The following SHISA9 variants were observed in gnomAD, a reference collection of about 807,000 sequenced individuals.
The protein encoded by SHISA9 is shisa family member 9, also known as protein shisa-9.
In SHISA9, 13 loss-of-function variants were observed where a neutral mutation model predicts 38.0. That is an observed-to-expected ratio of 0.34 (90% CI 0.22 to 0.54). The LOEUF (loss-of-function observed/expected upper bound fraction) is 0.54. Ranked by LOEUF, SHISA9 falls within the 20% of genes least tolerant of loss-of-function variation. The pLI, the probability that SHISA9 is intolerant of heterozygous loss-of-function variation, is 0.91. For missense variants in SHISA9, 538 were observed against 575.8 expected, an observed-to-expected ratio of 0.93 and a Z score of 0.67; for synonymous variants, 275 against 242.0, an observed-to-expected ratio of 1.14 and a Z score of -1.27.
chr16:13,542,651 T>G, the SHISA9 span, among the ~76,000 whole-genome samples: 1 of 152,184 alleles, frequency 6.6e-6, no homozygotes, highest in African/African-American at 2.4e-5. Context: ...TCACCCCTAT[T>G]TCCCAGGGAC....
intron 2 of SHISA9, among the ~76,000 whole-genome samples, chr16:13,046,725 C>G (rs1002442125): frequency 1.6e-4 from 24 of 152,182 alleles, no homozygotes; most frequent in African/African-American, 5.3e-4. Flanking sequence ...TCTCGCTTCT[C>G]TCCTCTCCAA....
chr16:12,940,091 C>G (rs901995113), intron 2 of SHISA9, among the ~76,000 whole-genome samples: 2 of 152,192 alleles, frequency 1.3e-5, no homozygotes, highest in Admixed American at 1.3e-4. Flanking sequence ...ACTTTTAACC[C>G]TGCTGGGGAG....
the SHISA9 span, among the ~76,000 whole-genome samples, chr16:13,286,258 A>T: frequency 6.6e-6 from 1 of 152,154 alleles, no homozygotes; most frequent in South Asian, 2.1e-4. Flanking sequence ...CTGAGCACAT[A>T]TAGGCAGGAC....
chr16:13,286,007 A>G, the SHISA9 span, among the ~76,000 whole-genome samples: 1 of 152,172 alleles, frequency 6.6e-6, no homozygotes, highest in Non-Finnish European at 1.5e-5. Context: ...GGAACTGCTT[A>G]GGGTATTCTA....
chr16:13,479,144 G>A, the SHISA9 span, among the ~76,000 whole-genome samples: 2 of 152,078 alleles, frequency 1.3e-5, no homozygotes, highest in African/African-American at 2.4e-5. Flanking sequence ...GGTCCTGCAC[G>A]GCGCCTATCA....
chr16:12,934,994 GCTGATATGAATTA>G (rs1185707335), intron 2 of SHISA9, among the ~76,000 whole-genome samples: 1 of 82,306 alleles, frequency 1.2e-5, no homozygotes, highest in African/African-American at 3.9e-5. Flanking sequence ...GAGCTCTCCT[GCTGATATGAATTA>G]TTCCAACAAT....
At chr16:13,167,728 C>T (rs913735152) in intron 2 of SHISA9, among the ~76,000 whole-genome samples, 1 of 152,176 alleles carries the variant, frequency 6.6e-6, no homozygotes. Context: ...GCTTTCCCTT[C>T]GCCTTCCGCC....
At chr16:13,268,957 A>G in the SHISA9 span, among the ~76,000 whole-genome samples, 1 of 152,176 alleles carries the variant, frequency 6.6e-6, no homozygotes, top group Non-Finnish European at 1.5e-5. Context: ...CAGTTAATTC[A>G]GGGTCTCAGT....
chr16:13,417,648 G>A, the SHISA9 span, among the ~76,000 whole-genome samples: 1 of 152,298 alleles, frequency 6.6e-6, no homozygotes, highest in African/African-American at 2.4e-5. Context: ...GAATGTCATC[G>A]TAGTGGGAAT....
chr16:13,279,421 A>G, the SHISA9 span, among the ~76,000 whole-genome samples: 7 of 151,972 alleles, frequency 4.6e-5, no homozygotes, highest in Non-Finnish European at 5.9e-5. Flanking sequence ...GTTCCAAGGT[A>G]TAGTTTAAAT....
chr16:13,111,676 G>C (rs1025303044), intron 2 of SHISA9, among the ~76,000 whole-genome samples: 11 of 152,116 alleles, frequency 7.2e-5, no homozygotes, highest in African/African-American at 2.7e-4. Context: ...ATTTAACCAG[G>C]TGGATGAAAT....
chr16:13,138,244 A>C (rs957517858), intron 2 of SHISA9, among the ~76,000 whole-genome samples: 1 of 152,218 alleles, frequency 6.6e-6, no homozygotes, highest in African/African-American at 2.4e-5. Flanking sequence ...TCCCAGAGCA[A>C]CTGAATCAGA....
the SHISA9 span, among the ~76,000 whole-genome samples, chr16:13,409,799 G>T: frequency 6.6e-6 from 1 of 152,168 alleles, no homozygotes; most frequent in Non-Finnish European, 1.5e-5. Flanking sequence ...TTGCAGTTAA[G>T]ATATTTTACT....
chr16:12,992,654 C>G (rs966096124), intron 2 of SHISA9, among the ~76,000 whole-genome samples: 2 of 152,194 alleles, frequency 1.3e-5, no homozygotes, highest in African/African-American at 4.8e-5. Flanking sequence ...GGCCAGTGTT[C>G]TTTCAGCCAC....
intron 2 of SHISA9, among the ~76,000 whole-genome samples, chr16:13,180,691 C>G (rs1268540445): frequency 6.6e-6 from 1 of 152,148 alleles, no homozygotes; most frequent in Non-Finnish European, 1.5e-5. Flanking sequence ...GAGTGAGACC[C>G]TGTCTCTAAA....
intron 2 of SHISA9, among the ~76,000 whole-genome samples, chr16:12,940,505 G>A (rs542959180): frequency 6.6e-6 from 1 of 151,464 alleles, no homozygotes; most frequent in East Asian, 2.0e-4. Flanking sequence ...AGCCAATCAG[G>A]ACTAGTTTAG....
At chr16:13,413,903 C>G in the SHISA9 span, among the ~76,000 whole-genome samples, 2 of 151,610 alleles carry the variant, frequency 1.3e-5, no homozygotes, top group Non-Finnish European at 2.9e-5. Context: ...AATGAGACTT[C>G]TAAGTTAAAC....
intron 2 of SHISA9, among the ~76,000 whole-genome samples, chr16:12,980,058 C>T (rs1383092664): frequency 1.3e-5 from 2 of 152,166 alleles, no homozygotes; most frequent in Non-Finnish European, 2.9e-5. Flanking sequence ...ATTCAAGGAA[C>T]CACACTTTGA....
intron 3 of SHISA9, among the ~76,000 whole-genome samples, chr16:13,210,234 GCA>G (rs2051105338): frequency 6.6e-6 from 1 of 152,116 alleles, no homozygotes; most frequent in Non-Finnish European, 1.5e-5. Flanking sequence ...AAAGTTGCCT[GCA>G]CATTGACATT....
Sources: allele counts gnomAD v4.1 joint callset (sites outside exome capture counted in the v4.1 genomes callset), GRCh38; gene constraint gnomAD v4.1.1; transcripts MANE v1.5; gene names NCBI Gene and HGNC (gene_info 2026-07-23, HGNC 2026-07-21).